Variants in RANBP17 observed in about 807,000 individuals in gnomAD.
RANBP17 encodes the protein ran-binding protein 17.
RANBP17 carries 158 observed loss-of-function variants against 141.2 expected under a neutral mutation model. The ratio of observed to expected loss-of-function variants is 1.12; its 90% confidence interval spans 0.98 to 1.28. The LOEUF (loss-of-function observed/expected upper bound fraction) is 1.28, where lower values mean the gene tolerates loss of function less well. Ranked by LOEUF, RANBP17 falls within the 50% of genes most tolerant of loss-of-function variation. The pLI is 0.00. For synonymous variants in RANBP17, 430 were observed against 450.0 expected (o/e 0.96, Z 0.56); for missense variants, 1,438 against 1,290.7 (o/e 1.11, Z -1.75).
intron 21 of RANBP17, among the ~76,000 whole-genome samples, chr5:171,219,873 C>G (rs566600794): frequency 1.3e-5 from 2 of 152,050 alleles, no homozygotes; most frequent in Admixed American, 6.5e-5. Flanking sequence ...TTATTACCCA[C>G]CTTCTGAAGC....
chr5:171,066,495 G>A (rs141938958), intron 14 of RANBP17, among the ~76,000 whole-genome samples: 281 of 152,202 alleles, frequency 1.8e-3, no homozygotes, highest in Non-Finnish European at 2.8e-3. Flanking sequence ...GCAAATGACG[G>A]GATATCCTTC....
rs556394616 is a variant in RANBP17, at chr5:171,107,817, A to G, written c.1711-62313A>G. On this transcript the variant is annotated intron_variant, in intron 14 of 27. Coordinates refer to ENST00000523189, the MANE Select transcript of RANBP17 (RefSeq NM_022897.5). ...ACCTTCTAGGATATAAACTGTGAGA[A>G]TGACAGTTAAATTGATATGGTGAAG... Among the ~76,000 whole-genome samples, 3 of 152,352 alleles carry G rather than the reference A, an allele frequency of 2.0e-5. No individual in the cohort carries two copies. The East Asian group carries it at 5.8e-4, about 29-fold the overall frequency.
intron 25 of RANBP17, among the ~76,000 whole-genome samples, chr5:171,280,318 C>T (rs992141066): frequency 1.3e-5 from 2 of 152,080 alleles, no homozygotes; most frequent in African/African-American, 4.8e-5. Context: ...CACCTTGTCG[C>T]CCAGGCTGGA....
intron 14 of RANBP17, among the ~76,000 whole-genome samples, chr5:170,975,568 A>G (rs1296055822): frequency 6.6e-6 from 1 of 152,148 alleles, no homozygotes; most frequent in Non-Finnish European, 1.5e-5. Flanking sequence ...AATATTCTAT[A>G]TCATTCCTTA....
chr5:171,016,387 G>A (rs564524767), intron 14 of RANBP17, among the ~76,000 whole-genome samples: 1 of 152,122 alleles, frequency 6.6e-6, no homozygotes, highest in Non-Finnish European at 1.5e-5. Flanking sequence ...AAAGACATAA[G>A]TGAGAGGCTG....
At chr5:171,239,918 G>T (rs1364877203) in intron 22 of RANBP17, among the ~76,000 whole-genome samples, 1 of 152,104 alleles carries the variant, frequency 6.6e-6, no homozygotes, top group Non-Finnish European at 1.5e-5. Context: ...AAAAGTCATG[G>T]CAGCTACTCC....
chr5:171,048,634 C>T (rs1462591120), intron 14 of RANBP17, among the ~76,000 whole-genome samples: 3 of 152,168 alleles, frequency 2.0e-5, no homozygotes, highest in African/African-American at 4.8e-5. Flanking sequence ...TTTCTCCCAT[C>T]CCCTACCCTC....
intron 18 of RANBP17, among the ~76,000 whole-genome samples, chr5:171,195,456 A>C (rs970298505): frequency 1.3e-5 from 2 of 152,252 alleles, no homozygotes; most frequent in African/African-American, 4.8e-5. Flanking sequence ...ACAACATTTC[A>C]CGTTGCAATC....
chr5:171,028,458 C>T (rs985713103), intron 14 of RANBP17, among the ~76,000 whole-genome samples: 5 of 152,122 alleles, frequency 3.3e-5, no homozygotes, highest in African/African-American at 4.8e-5. Flanking sequence ...TTATAAATCA[C>T]TGCTAGCATA....
chr5:170,989,672 T>C (rs940829210), intron 14 of RANBP17, among the ~76,000 whole-genome samples: 3 of 151,816 alleles, frequency 2.0e-5, no homozygotes, highest in African/African-American at 7.2e-5. Flanking sequence ...TGGTATTAAG[T>C]AGTTTAAACA....
intron 14 of RANBP17, among the ~76,000 whole-genome samples, chr5:171,031,787 T>TG (rs890248576): frequency 6.6e-6 from 1 of 152,034 alleles, no homozygotes; most frequent in African/African-American, 2.4e-5. Flanking sequence ...GCTTTTCTTT[T>TG]GGTGGTGTCT....
At chr5:171,169,171 G>A (rs150518265) in intron 14 of RANBP17, among the ~76,000 whole-genome samples, 21 of 152,194 alleles carry the variant, frequency 1.4e-4, no homozygotes, top group Non-Finnish European at 2.8e-4. Flanking sequence ...TATCAAGCTC[G>A]TGTTCAGATA....
chr5:171,293,701 G>A (rs1339192644), intron 25 of RANBP17, among the ~76,000 whole-genome samples, 182 bp from the exon 26 acceptor site: 2 of 152,218 alleles, frequency 1.3e-5, no homozygotes, highest in African/African-American at 2.4e-5. Context: ...CTAGCTGGGG[G>A]TCTTTGCCAA....
chr5:171,098,590 C>G (rs565740212), intron 14 of RANBP17, among the ~76,000 whole-genome samples: 2 of 152,230 alleles, frequency 1.3e-5, no homozygotes, highest in Admixed American at 1.3e-4. Flanking sequence ...TGTAGGTTGC[C>G]TGTTCACTCT....
At chr5:171,271,222 ATCAG>A (rs916357578) in intron 25 of RANBP17, 32 of 205,866 alleles carry the variant, frequency 1.6e-4, no homozygotes, top group African/African-American at 5.3e-4. Flanking sequence ...CTTTTCCTCA[ATCAG>A]TCAGTCAGTC....
intron 5 of RANBP17, among the ~76,000 whole-genome samples, chr5:170,900,419 C>G (rs1310987345): frequency 6.6e-6 from 1 of 151,918 alleles, no homozygotes; most frequent in Non-Finnish European, 1.5e-5. Context: ...CTTTGTTAGT[C>G]TGGCTAGTGG....
chr5:171,005,095 G>C (rs902084297), intron 14 of RANBP17, among the ~76,000 whole-genome samples: 1 of 152,074 alleles, frequency 6.6e-6, no homozygotes, highest in Non-Finnish European at 1.5e-5. Context: ...TTTTTCTAAT[G>C]TCAGGAGCTG....
intron 14 of RANBP17, among the ~76,000 whole-genome samples, chr5:171,031,371 C>A (rs1380779919): frequency 2.6e-5 from 4 of 151,958 alleles, no homozygotes; most frequent in African/African-American, 9.7e-5. Flanking sequence ...GACTTTCGGA[C>A]TATTCTATGT....
At chr5:170,871,858 A>G (rs1254388083) in intron 1 of RANBP17, among the ~76,000 whole-genome samples, 4 of 152,012 alleles carry the variant, frequency 2.6e-5, no homozygotes, top group Non-Finnish European at 4.4e-5. Flanking sequence ...TGAGGTCTCT[A>G]TTCTGTTCTA....
Sources: gnomAD v4.1 joint callset for allele counts (sites outside exome capture counted in the v4.1 genomes callset) on GRCh38, gnomAD v4.1.1 for gene constraint, MANE v1.5 for transcripts, NCBI Gene and HGNC (gene_info 2026-07-23, HGNC 2026-07-21) for gene names.